The following DOCK1 variants were observed in gnomAD, a reference collection of about 807,000 sequenced individuals.
The protein encoded by DOCK1 is dedicator of cytokinesis protein 1.
A neutral mutation model predicts 262.7 loss-of-function variants in DOCK1; 138 were observed. The ratio of observed to expected loss-of-function variants is 0.53; its 90% CI spans 0.46 to 0.61. The LOEUF (loss-of-function observed/expected upper bound fraction) is 0.61. Ranked by LOEUF, DOCK1 falls within the 20% of genes least tolerant of loss-of-function variation. The pLI is 0.00. For synonymous variants in DOCK1, 866 were observed against 867.4 expected (o/e 1.00, Z 0.03); for missense variants, 1,908 against 2,370.7 (o/e 0.80, Z 4.05).
chr10:127,106,112 A>C, intron 23 of DOCK1, 119 bp from the exon 24 acceptor site: 1 of 1,050,432 alleles, frequency 9.5e-7, no homozygotes, highest in Non-Finnish European at 1.4e-6. Flanking sequence ...TCAGCCCCTC[A>C]TCTGGAAGTG....
At chr10:126,974,000 A>C (rs1359001515) in intron 2 of DOCK1, among the ~76,000 whole-genome samples, 1 of 152,110 alleles carries the variant, frequency 6.6e-6, no homozygotes, top group South Asian at 2.1e-4. Flanking sequence ...GTTGTGGTTA[A>C]TTTCTCTTTC....
At chr10:127,282,250 C>A (rs776112500) in intron 29 of DOCK1, among the ~76,000 whole-genome samples, 7 of 141,836 alleles carry the variant, frequency 4.9e-5, no homozygotes, top group Non-Finnish European at 9.0e-5. Context: ...TGTCTCTTTT[C>A]TCTCTCTCTC....
chr10:126,943,862 A>G (rs2035197806), intron 1 of DOCK1, among the ~76,000 whole-genome samples: 1 of 152,138 alleles, frequency 6.6e-6, no homozygotes, highest in Non-Finnish European at 1.5e-5. Context: ...ACTGAAGTTC[A>G]GTCTGGGTGA....
intron 29 of DOCK1, among the ~76,000 whole-genome samples, chr10:127,326,376 T>C (rs2135613774): frequency 6.6e-6 from 1 of 152,364 alleles, no homozygotes; most frequent in Non-Finnish European, 1.5e-5. Flanking sequence ...AAATCCTTTG[T>C]CATTTCAACA....
At position 126,915,202 on chromosome 10, in the gene DOCK1, G is replaced by A. The variant is rs938531644; in HGVS notation, c.46+9639G>A. 3.0e-4 allele frequency among the ~76,000 whole-genome samples: 45 copies of A among 152,216 alleles called. 2 individuals carry two copies. Among genetic ancestry groups the A allele is most frequent in the Admixed American group, 9.8e-4 (15 of 15,288 alleles). ...GTCTGGACTCTTCAGCTTCATTGGC[G>A]TTGAGCATAGAGGTTGTACATCCTC... On this transcript the variant is annotated intron_variant, in intron 1 of 51. Transcript: ENST00000623213.
intron 27 of DOCK1, among the ~76,000 whole-genome samples, chr10:127,213,657 C>A (rs2058077133): frequency 6.6e-6 from 1 of 152,178 alleles, no homozygotes; most frequent in African/African-American, 2.4e-5. Context: ...CAGTGTTTTC[C>A]TAACTTTCCT....
chr10:127,239,416 T>C (rs1052587208), intron 27 of DOCK1, among the ~76,000 whole-genome samples: 5 of 152,298 alleles, frequency 3.3e-5, no homozygotes, highest in Middle Eastern at 3.4e-3. Context: ...TACTTAAGTA[T>C]CATCATAAAC....
chr10:127,402,458 G>C (rs1237555358), intron 38 of DOCK1, among the ~76,000 whole-genome samples: 1 of 152,198 alleles, frequency 6.6e-6, no homozygotes, highest in Non-Finnish European at 1.5e-5. Context: ...TATTTGGAAA[G>C]TTACTTACCT....
At chr10:127,054,882 G>T (rs2045030430) in intron 22 of DOCK1, among the ~76,000 whole-genome samples, 1 of 152,190 alleles carries the variant, frequency 6.6e-6, no homozygotes, top group African/African-American at 2.4e-5. Context: ...AAACGATCGT[G>T]CATTGATAAT....
At chr10:126,941,320 A>T (rs1181637061) in intron 1 of DOCK1, among the ~76,000 whole-genome samples, 2 of 152,240 alleles carry the variant, frequency 1.3e-5, no homozygotes, top group African/African-American at 4.8e-5. Context: ...AAACCAGTTT[A>T]AAAAGATTGT....
In DOCK1 at chr10:127,447,456, A is replaced by G; in HGVS notation, c.5476A>G (p.Lys1826Glu). The G allele has an allele frequency of 6.2e-7, 1 of 1,613,694 alleles. No individual in the cohort carries two copies. Among genetic ancestry groups the G allele is most frequent in the Non-Finnish European group, 8.5e-7 (1 of 1,179,744 alleles). The change falls in exon 51 of 52, where the codon AAA becomes GAA. Residue 1826 changes from lysine (K) to glutamate (E), a missense_variant. Transcript: ENST00000623213. ...CGATGTCCCACCCCCTCTGCCTCTC[A>G]AAGGCAGCGTGGCAGATTACGGGAA... ...VADVPPPLPL[K>E]GSVADYGNLM...
chr10:126,959,433 T>C (rs2134508963), intron 1 of DOCK1, among the ~76,000 whole-genome samples: 1 of 152,324 alleles, frequency 6.6e-6, no homozygotes, highest in East Asian at 1.9e-4. Context: ...TCACGATATA[T>C]AGGGTTATAT....
chr10:127,252,597 C>G (rs1277476892), intron 28 of DOCK1, among the ~76,000 whole-genome samples: 26 of 150,728 alleles, frequency 1.7e-4, no homozygotes, highest in East Asian at 1.4e-3. Flanking sequence ...TTTCAGCTTT[C>G]TACATATGGC....
At chr10:127,267,219 G>A (rs2489413) in intron 29 of DOCK1, among the ~76,000 whole-genome samples, 24,535 of 152,082 alleles carry the variant, frequency 0.16, 2,155 homozygotes, top group East Asian at 0.25. Flanking sequence ...GTGTATCAGA[G>A]CCCACTGCAC....
intron 47 of DOCK1, among the ~76,000 whole-genome samples, chr10:127,426,961 GC>G (rs1412430269): frequency 6.6e-6 from 1 of 152,184 alleles, no homozygotes; most frequent in East Asian, 1.9e-4. Context: ...GCAAAGCCAG[GC>G]ACCGTGAGTC....
At chr10:127,264,435 A>G (rs1448126939) in intron 29 of DOCK1, among the ~76,000 whole-genome samples, 1 of 152,212 alleles carries the variant, frequency 6.6e-6, no homozygotes. Flanking sequence ...TGAAGCCCAC[A>G]CACTTTCATA....
chr10:126,937,446 C>T (rs1423828955), intron 1 of DOCK1, among the ~76,000 whole-genome samples: 5 of 151,094 alleles, frequency 3.3e-5, no homozygotes, highest in African/African-American at 1.2e-4. Flanking sequence ...GTTTTACATT[C>T]CCACCACTAG....
At chr10:127,451,240 T>C (rs1334536643) in intron 51 of DOCK1, 92 bp from the exon 52 acceptor site, 1 of 1,396,564 alleles carries the variant, frequency 7.2e-7, no homozygotes, top group Non-Finnish European at 9.8e-7. Context: ...TCCGGCTGAG[T>C]GGCTGTGCCA....
At chr10:126,997,211 A>G (rs950469096) in intron 7 of DOCK1, among the ~76,000 whole-genome samples, 1 of 152,190 alleles carries the variant, frequency 6.6e-6, no homozygotes, top group African/African-American at 2.4e-5. Context: ...ATGTATTCCA[A>G]GCTCATTGAG....
Sources: gnomAD v4.1 joint callset for allele counts (sites outside exome capture counted in the v4.1 genomes callset) on GRCh38, gnomAD v4.1.1 for gene constraint, MANE v1.5 for transcripts, NCBI Gene and HGNC (gene_info 2026-07-23, HGNC 2026-07-21) for gene names.